The following NCLN variants were observed in gnomAD, a reference collection of about 807,000 sequenced individuals.
NCLN encodes BOS complex subunit NCLN.
A neutral mutation model predicts 69.5 loss-of-function variants in NCLN; 34 were observed. The observed-to-expected ratio is 0.49, with a 90% CI of 0.37 to 0.65. The LOEUF (loss-of-function observed/expected upper bound fraction) is 0.65, where lower values mean the gene tolerates loss of function less well. Among genes scored for constraint, NCLN ranks in the 30% least tolerant of loss-of-function variants. The pLI is 0.00. For synonymous variants in NCLN, 393 were observed against 358.3 expected, an observed-to-expected ratio of 1.10 and a Z score of -1.09; for missense variants, 710 against 804.8, an observed-to-expected ratio of 0.88 and a Z score of 1.42.
chr19:3,201,537 C>T lies in NCLN; in HGVS notation c.711C>T (p.Gly237=), dbSNP rs368717040. 143 of 1,558,858 alleles carry T rather than the reference C, an allele frequency of 9.2e-5. No homozygotes were observed. The highest frequency in any genetic ancestry group is 1.2e-4 in the Non-Finnish European group (135 of 1,158,736). Residue 237 remains glycine, a synonymous_variant, in exon 6 of 15, where the codon GGC becomes GGT. Coordinates refer to ENST00000246117, the MANE Select transcript of NCLN (RefSeq NM_020170.4). ...CGTCCCTGTAGTGGCTGTCGCTGGG[C>T]GCGGACTCCAACGGGAGCGGCGTCT... ...AFGVAPWLSL[G]ADSNGSGVSV...
At chr19:3,202,423 A>G (rs1018117171) in intron 6 of NCLN, among the ~76,000 whole-genome samples, 14 of 151,932 alleles carry the variant, frequency 9.2e-5, no homozygotes, top group Admixed American at 7.2e-4. Flanking sequence ...TCCCAGGAGC[A>G]CCCCCAGACG....
intron 2 of NCLN, 68 bp downstream of exon 2, chr19:3,192,728 G>A: frequency 7.1e-7 from 1 of 1,400,878 alleles, no homozygotes; most frequent in Non-Finnish European, 9.4e-7. Flanking sequence ...GCAACTGTGT[G>A]ACCCTAGGCG....
chr19:3,186,318 G>A, intron 1 of NCLN, 104 bp downstream of exon 1: 4 of 1,276,850 alleles, frequency 3.1e-6, no homozygotes, highest in Non-Finnish European at 4.1e-6. Flanking sequence ...TGGGCTGCCC[G>A]ACCCATGCTC....
At chr19:3,203,652 G>C (rs1449200846) in intron 6 of NCLN, 104 bp from the exon 7 acceptor site, 2 of 1,010,902 alleles carry the variant, frequency 2.0e-6, no homozygotes, top group Non-Finnish European at 2.9e-6. Flanking sequence ...TTCCTGCTTT[G>C]GGGAGACCTT....
At chr19:3,206,070 TGCCCCCG>T in intron 10 of NCLN, 44 bp downstream of exon 10, 1 of 1,559,584 alleles carries the variant, frequency 6.4e-7, no homozygotes, top group South Asian at 1.2e-5. Flanking sequence ...GCCCCAGCCC[TGCCCCCG>T]GCCCCGGCCC....
In NCLN at chr19:3,196,241, C is replaced by T; in HGVS notation, c.579C>T (p.Ser193=). The T allele has an allele frequency of 6.4e-7, 1 of 1,554,520 alleles. No homozygotes were observed. Among genetic ancestry groups the T allele is most frequent in the Admixed American group, 1.9e-5 (1 of 51,530 alleles). ...GFQMVTSGVQ[S]KAVSDWLIAS... ...AGATGGTCACCAGCGGGGTACAGAG[C>T]AAGGCCGTGAGTGACTGGCTGATTG... is the stretch of plus-strand genomic sequence containing the variant. The change falls in exon 4 of 15, where the codon AGC becomes AGT. Residue 193 remains serine (S), a synonymous_variant. Transcript: ENST00000246117.
intron 3 of NCLN, 71 bp downstream of exon 3, chr19:3,193,499 C>T (rs1399131162): frequency 1.4e-5 from 20 of 1,479,256 alleles, no homozygotes; most frequent in South Asian, 3.9e-5. Flanking sequence ...CCAAGGGCTG[C>T]GGTCACCCTG....
At chr19:3,200,046 G>A (rs989454318) in intron 5 of NCLN, among the ~76,000 whole-genome samples, 5 of 151,856 alleles carry the variant, frequency 3.3e-5, no homozygotes, top group Non-Finnish European at 7.4e-5. Context: ...GAGTGCGGAG[G>A]GTCTGGGCAG....
Position 3,209,282 on chromosome 19 carries a change from T to G in NCLN, c.*1594T>G, listed in dbSNP as rs1916369849. 1 of 152,270 alleles carries G rather than the reference T, an allele frequency of 6.6e-6. No homozygotes were observed. The highest frequency in any genetic ancestry group is 2.4e-5 in the African/African-American group (1 of 41,446). The allele number at this position is 152,270 out of a possible 1,614,324, so 9.4% of individuals were successfully genotyped here. ...CCGTCTGCCCTGCGGGTTGCCCGCC[T>G]CCTCCAGAGACTTGCCCAAGGGCCC... On this transcript the variant is annotated 3_prime_UTR_variant, in exon 15 of 15. Coordinates refer to ENST00000246117, the MANE Select transcript of NCLN (RefSeq NM_020170.4).
In NCLN at chr19:3,203,739, T is replaced by C. The variant is rs375188302; in HGVS notation, c.801-17T>C. 2.7e-4 allele frequency: 426 copies of C among 1,604,410 alleles called. 1 individual carries two copies. Among genetic ancestry groups the C allele is most frequent in the Non-Finnish European group, 3.5e-4 (415 of 1,175,908 alleles). On this transcript the variant is annotated splice_polypyrimidine_tract_variant and intron_variant, in intron 6 of 14. Transcript: ENST00000246117. Reference sequence around the variant, plus strand: ...GGCGCTTGCCCGTCAAAGCTAACACTGGGTCTTCCCTCCCAGCTACAACCT... The same window carrying C: ...GGCGCTTGCCCGTCAAAGCTAACACCGGGTCTTCCCTCCCAGCTACAACCT...
chr19:3,202,881 G>T (rs1916164090), intron 6 of NCLN, among the ~76,000 whole-genome samples: 1 of 152,178 alleles, frequency 6.6e-6, no homozygotes, highest in Non-Finnish European at 1.5e-5. Context: ...TGGCAGCTGG[G>T]GAGAGGTTGG....
rs1345875835 is a variant in NCLN, at chr19:3,209,247, C to A, written c.*1559C>A. On this transcript the variant is annotated 3_prime_UTR_variant, in exon 15 of 15. Transcript: ENST00000246117. ...CTCTTTCCTCCAGGTTGGCAGGGGA[C>A]CCTCTTCTCCCGTCTGCCCTGCGGG... 6.6e-6 allele frequency: 1 copy of A among 152,306 alleles called. No individual in the cohort carries two copies. The highest frequency in any genetic ancestry group is 1.9e-4 in the East Asian group (1 of 5,190). The allele number at this position is 152,306 out of a possible 1,614,324, so 9.4% of individuals were successfully genotyped here.
chr19:3,207,596 C>T, intron 14 of NCLN, 33 bp from the exon 15 acceptor site: 1 of 1,611,898 alleles, frequency 6.2e-7, no homozygotes, highest in Admixed American at 1.7e-5. Context: ...CTGGCCCCGC[C>T]CACATCCTCA....
chr19:3,196,381 A>C, intron 4 of NCLN, 104 bp downstream of exon 4: 2 of 825,714 alleles, frequency 2.4e-6, no homozygotes, highest in Non-Finnish European at 3.7e-6. Flanking sequence ...CTGATGGGAA[A>C]CTGGAGTCGG....
rs780930005 is a variant in NCLN at position 3,207,445 on chromosome 19, C to T, written c.1608C>T (p.Leu536=). ...LLLAVGIAAY[L]GMAYVAVQHF... ...TGGCTGTTGGCATTGCTGCCTACCT[C>T]GGCATGGCCTACGTGGCTGTCCAGG... The change falls in exon 14 of 15, where the codon CTC becomes CTT. Residue 536 remains leucine (L), a synonymous_variant. Transcript: ENST00000246117. 35 of 1,612,896 alleles carry T rather than the reference C, an allele frequency of 2.2e-5. No homozygotes were observed. In the South Asian group the frequency reaches 2.3e-4, roughly 11 times the overall value.
At chr19:3,198,087 G>C (rs1916015392) in intron 4 of NCLN, among the ~76,000 whole-genome samples, 1 of 152,212 alleles carries the variant, frequency 6.6e-6, no homozygotes, top group African/African-American at 2.4e-5. Context: ...ATCCGACTTT[G>C]GTGGGGTAAG....
chr19:3,205,175 C>T lies in NCLN; in HGVS notation c.1208+424C>T, dbSNP rs766746757. Among the ~76,000 whole-genome samples the T allele has an allele frequency of 1.3e-5, 2 of 152,222 alleles. No individual in the cohort carries two copies. The highest frequency in any genetic ancestry group is 2.9e-5 in the Non-Finnish European group (2 of 68,036). On this transcript the variant is annotated intron_variant, in intron 9 of 14. Transcript: ENST00000246117. This position sits in a 1 kb window ranked among gnomAD's most constrained non-coding sequence, Gnocchi z 4.6. ...GCACTGTGTCTCTGGCTTCTTATGTCCTCTGACCCTGTGTCCTGCCCGTCT... is the reference window on the plus strand; with the variant it reads ...GCACTGTGTCTCTGGCTTCTTATGTTCTCTGACCCTGTGTCCTGCCCGTCT...
At position 3,198,807 on chromosome 19, in the gene NCLN, C is replaced by CT; in HGVS notation, c.616-9dup. On this transcript the variant is annotated splice_polypyrimidine_tract_variant and intron_variant, in intron 4 of 14. Transcript: ENST00000246117. ...AACAGCCAGGCCATTCCCCTGCTCT[C>CT]TATCCACAGGGGCGGCTGACGGGGC... 6.3e-7 allele frequency: 1 copy of CT among 1,579,526 alleles called. No homozygotes were observed. Among genetic ancestry groups the CT allele is most frequent in the Middle Eastern group, 1.7e-4 (1 of 5,966 alleles).
intron 3 of NCLN, among the ~76,000 whole-genome samples, chr19:3,193,669 C>T (rs1316974398): frequency 2.0e-5 from 3 of 152,252 alleles, no homozygotes; most frequent in Admixed American, 6.5e-5. Flanking sequence ...TGGCTCTGTG[C>T]ACACGAAAGA....
Sources: allele counts gnomAD v4.1 joint callset (sites outside exome capture counted in the v4.1 genomes callset), GRCh38; gene constraint gnomAD v4.1.1; non-coding constraint Gnocchi (gnomAD v3.1); transcripts MANE v1.5; gene names NCBI Gene and HGNC (gene_info 2026-07-23, HGNC 2026-07-21).